CACHD1: variants seen among roughly 807,000 people sequenced by gnomAD.
CACHD1 encodes cache domain containing 1, also known as VWFA and cache domain-containing protein 1.
A neutral mutation model predicts 138.7 loss-of-function variants in CACHD1; 71 were observed. The observed-to-expected ratio is 0.51, with a 90% CI of 0.42 to 0.62. CACHD1 has a LOEUF of 0.62. CACHD1 is among the 20% of genes least tolerant of loss of function. The pLI is 0.00. For missense variants in CACHD1, 1,389 were observed against 1,625.3 expected (o/e 0.85, Z 2.50); for synonymous variants, 578 against 591.5 (o/e 0.98, Z 0.33).
intron 1 of CACHD1, among the ~76,000 whole-genome samples, chr1:64,487,934 T>A (rs1646252919): frequency 6.6e-6 from 1 of 152,234 alleles, no homozygotes. Flanking sequence ...AAATATAATA[T>A]GTTTTATAGA....
At chr1:64,630,404 G>A (rs371340544) in intron 5 of CACHD1, among the ~76,000 whole-genome samples, 8 of 151,688 alleles carry the variant, frequency 5.3e-5, no homozygotes, top group African/African-American at 9.7e-5. Context: ...GGGTTCAAGC[G>A]ATTCTCCTGC....
At chr1:64,517,117 G>T (rs551765541) in intron 1 of CACHD1, among the ~76,000 whole-genome samples, 6 of 152,310 alleles carry the variant, frequency 3.9e-5, no homozygotes, top group African/African-American at 1.4e-4. Flanking sequence ...CTGAATGCTA[G>T]CTGCTGTTAT....
rs1389627674 is a variant in CACHD1, at chr1:64,602,806, A to C, written c.411A>C (p.Glu137Asp). Residue 137 changes from glutamate to aspartate, a missense_variant and splice_region_variant, in exon 4 of 27, where the codon GAA becomes GAC. Around this residue, in one of 5 missense-constraint regions of CACHD1, gnomAD observed 1,000 missense variants for 1,114.7 expected, o/e 0.90. Coordinates refer to ENST00000651257, the MANE Select transcript of CACHD1 (RefSeq NM_020925.4). ...TGCTAATTCTCTCCTATTGTTTCAG[A>C]TTCGATGGGAACTTTAATACCAATG... ...DCCTIPPSMMEFDGNFNTNVS... is the reference protein window; with the variant it reads ...DCCTIPPSMMDFDGNFNTNVS... 5.0e-6 allele frequency: 8 copies of C among 1,605,242 alleles called. No individual in the cohort carries two copies. The highest frequency in any genetic ancestry group is 6.8e-6 in the Non-Finnish European group (8 of 1,172,410).
At chr1:64,539,448 T>G (rs184740977) in intron 1 of CACHD1, among the ~76,000 whole-genome samples, 28 of 152,342 alleles carry the variant, frequency 1.8e-4, no homozygotes, top group Admixed American at 1.3e-3. Flanking sequence ...CAGCTTTGTT[T>G]CCAAAAGTGC....
intron 1 of CACHD1, among the ~76,000 whole-genome samples, chr1:64,516,555 A>G (rs768824178): frequency 2.0e-4 from 30 of 152,204 alleles, no homozygotes; most frequent in Non-Finnish European, 3.2e-4. Context: ...GAATGACCAA[A>G]TGATGAGCCA....
chr1:64,604,767 C>G (rs986068003), intron 4 of CACHD1, among the ~76,000 whole-genome samples: 1 of 151,862 alleles, frequency 6.6e-6, no homozygotes, highest in African/African-American at 2.4e-5. Flanking sequence ...ATTCTCCTGC[C>G]TCAGCCTCCC....
chr1:64,634,067 T>C lies in CACHD1; in HGVS notation c.813T>C (p.Asp271=). The stretch of plus-strand genomic sequence containing the variant: ...AGATTTCTGTGTTAACTGTGGCAGA[T>C]ACCGTCCGGACTTGCTCACTAGACC... ...HDKISVLTVA[D]TVRTCSLDQC... Residue 271 remains aspartate, a synonymous_variant, in exon 7 of 27, where the codon GAT becomes GAC. Coordinates refer to ENST00000651257, the MANE Select transcript of CACHD1 (RefSeq NM_020925.4). 1 of 1,612,094 alleles carries C rather than the reference T, an allele frequency of 6.2e-7. No homozygotes were observed. The highest frequency in any genetic ancestry group is 8.5e-7 in the Non-Finnish European group (1 of 1,178,836).
intron 16 of CACHD1, among the ~76,000 whole-genome samples, chr1:64,671,114 T>G (rs1420522676): frequency 6.6e-6 from 1 of 152,232 alleles, no homozygotes; most frequent in African/African-American, 2.4e-5. Context: ...TGTATGACCT[T>G]AGCCACTCAG....
intron 16 of CACHD1, among the ~76,000 whole-genome samples, chr1:64,669,360 G>T (rs144600348): frequency 6.6e-6 from 1 of 152,132 alleles, no homozygotes; most frequent in Non-Finnish European, 1.5e-5. Context: ...ATTTTAGCAG[G>T]TCAGAAGAGA....
intron 1 of CACHD1, among the ~76,000 whole-genome samples, chr1:64,522,432 C>T (rs1053100405): frequency 6.6e-6 from 1 of 151,976 alleles, no homozygotes; most frequent in African/African-American, 2.4e-5. Flanking sequence ...CTCAGCCTCC[C>T]GAGTAGCTGG....
intron 1 of CACHD1, among the ~76,000 whole-genome samples, chr1:64,491,000 A>G (rs1646271714): frequency 1.3e-5 from 2 of 152,306 alleles, no homozygotes; most frequent in East Asian, 1.9e-4. Context: ...AAAATCTAGA[A>G]AAATCTTTGC....
At chr1:64,543,809 A>T (rs2100435628) in intron 1 of CACHD1, among the ~76,000 whole-genome samples, 1 of 151,612 alleles carries the variant, frequency 6.6e-6, no homozygotes, top group South Asian at 2.1e-4. Context: ...ATACAGTCAT[A>T]CACATTTTAT....
rs555780224 is a variant in CACHD1 at position 64,500,238 on chromosome 1, A to G, written c.198+29296A>G. Among the ~76,000 whole-genome samples the G allele has an allele frequency of 5.3e-5, 8 of 152,272 alleles. No homozygotes were observed. In the East Asian group the frequency reaches 1.2e-3, roughly 22 times the overall value. ...ACATGACTCCACCTACCTGCAAGGG[A>G]GCTGGAGTCTATGGGAGAGCACTTG... On this transcript the variant is annotated intron_variant, in intron 1 of 26. Coordinates refer to ENST00000651257, the MANE Select transcript of CACHD1 (RefSeq NM_020925.4).
chr1:64,568,300 T>C (rs957949809), intron 2 of CACHD1, among the ~76,000 whole-genome samples: 1 of 152,172 alleles, frequency 6.6e-6, no homozygotes, highest in African/African-American at 2.4e-5. Flanking sequence ...TCCCTTTCTG[T>C]CACACGGGAG....
intron 1 of CACHD1, among the ~76,000 whole-genome samples, chr1:64,511,655 G>C (rs541999448): frequency 6.6e-6 from 1 of 152,330 alleles, no homozygotes; most frequent in African/African-American, 2.4e-5. Context: ...AAGACAATCT[G>C]TTCCATCTGT....
chr1:64,662,548 T>G (rs1038717590), intron 13 of CACHD1, among the ~76,000 whole-genome samples: 2 of 152,154 alleles, frequency 1.3e-5, no homozygotes, highest in African/African-American at 4.8e-5. Context: ...ATCACCAGGC[T>G]ACCAGGAGAC....
rs1646917519 is a variant in CACHD1 at position 64,570,355 on chromosome 1, A to C, written c.262-11801A>C. ...ATTTTAATATTAAAAGACTCTGGGGAGGTAGGGATCATGTTGAAATAGCTG... is the reference window on the plus strand; with the variant it reads ...ATTTTAATATTAAAAGACTCTGGGGCGGTAGGGATCATGTTGAAATAGCTG... On this transcript the variant is annotated intron_variant, in intron 2 of 26. Transcript: ENST00000651257. 1.3e-5 allele frequency among the ~76,000 whole-genome samples: 2 copies of C among 152,168 alleles called. 1 individual carries two copies. The highest frequency in any genetic ancestry group is 2.9e-5 in the Non-Finnish European group (2 of 68,032).
At chr1:64,533,256 T>G (rs1646603580) in intron 1 of CACHD1, among the ~76,000 whole-genome samples, 1 of 152,174 alleles carries the variant, frequency 6.6e-6, no homozygotes, top group Admixed American at 6.5e-5. Flanking sequence ...CATGGGAGGC[T>G]GAGATACAAG....
At chr1:64,588,941 A>G (rs780780403) in intron 3 of CACHD1, among the ~76,000 whole-genome samples, 58 of 152,154 alleles carry the variant, frequency 3.8e-4, no homozygotes, top group Non-Finnish European at 7.6e-4. Context: ...TTGGCTAATC[A>G]TGGTTAGAAC....
Sources: gnomAD v4.1 joint callset for allele counts (sites outside exome capture counted in the v4.1 genomes callset) on GRCh38, gnomAD v4.1.1 for gene constraint, gnomAD v4.1.1 regional missense constraint, MANE v1.5 for transcripts, NCBI Gene and HGNC (gene_info 2026-07-23, HGNC 2026-07-21) for gene names.